PCDHGA10: variants seen among roughly 807,000 people sequenced by gnomAD.
PCDHGA10 encodes protocadherin gamma-A10.
PCDHGA10 carries 42 observed loss-of-function variants against 59.5 expected under a neutral mutation model. The ratio of observed to expected loss-of-function variants is 0.71; its 90% CI spans 0.55 to 0.91. PCDHGA10 has a LOEUF of 0.91. PCDHGA10 is among the 40% of genes least tolerant of loss of function. The probability of loss-of-function intolerance (pLI) is 0.00; values close to 1 mark genes in which losing one functional copy is unlikely to be tolerated. For synonymous variants in PCDHGA10, 511 were observed against 517.2 expected (o/e 0.99, Z 0.16); for missense variants, 1,111 against 1,198.2 (o/e 0.93, Z 1.07).
chr5:141,433,671 A>G (rs1376085577), intron 1 of PCDHGA10, among the ~76,000 whole-genome samples: 12 of 152,058 alleles, frequency 7.9e-5, no homozygotes, highest in Admixed American at 7.2e-4. Flanking sequence ...CCCCGTCTAT[A>G]CTAAAAAAAT....
At chr5:141,460,951 G>GTATATATATA (rs200454978) in intron 1 of PCDHGA10, among the ~76,000 whole-genome samples, 1 of 139,722 alleles carries the variant, frequency 7.2e-6, no homozygotes, top group African/African-American at 2.8e-5. Context: ...TATGTATTAT[G>GTATATATATA]TATATATATA....
chr5:141,423,382 C>G, intron 1 of PCDHGA10: 1 of 1,614,118 alleles, frequency 6.2e-7, no homozygotes, highest in Non-Finnish European at 8.5e-7. Flanking sequence ...CAGGCTGTGG[C>G]GCTGGCATAA....
chr5:141,422,052 CG>C (rs1282698929), intron 1 of PCDHGA10: 1 of 1,611,298 alleles, frequency 6.2e-7, no homozygotes, highest in South Asian at 1.1e-5. Context: ...AGGGAATCAA[CG>C]GGGAAGTAAT....
intron 2 of PCDHGA10, 79 bp downstream of exon 2, chr5:141,494,944 C>T: frequency 1.9e-6 from 3 of 1,609,850 alleles, no homozygotes; most frequent in Non-Finnish European, 2.5e-6. Context: ...TGGGGGAGGG[C>T]CCAGCATTTG....
chr5:141,468,981 A>G (rs1209945826), intron 1 of PCDHGA10, among the ~76,000 whole-genome samples: 4 of 151,852 alleles, frequency 2.6e-5, no homozygotes, highest in East Asian at 1.9e-4. Context: ...TTTGACTTCC[A>G]AAATTATTGT....
chr5:141,498,880 C>G (rs1334510457), intron 2 of PCDHGA10, among the ~76,000 whole-genome samples: 1 of 150,028 alleles, frequency 6.7e-6, no homozygotes, highest in African/African-American at 2.4e-5. Flanking sequence ...TTGCAGTGAG[C>G]TGAGATCACA....
intron 1 of PCDHGA10, chr5:141,427,102 C>T (rs1363595185): frequency 6.6e-6 from 3 of 457,858 alleles, no homozygotes; most frequent in South Asian, 3.1e-5. Flanking sequence ...GGTGTCAATG[C>T]GGAGATCACC....
chr5:141,449,066 A>G (rs1234801725), intron 1 of PCDHGA10, among the ~76,000 whole-genome samples: 3 of 152,188 alleles, frequency 2.0e-5, no homozygotes, highest in African/African-American at 4.8e-5. Context: ...GCGCTATTGA[A>G]TAGCCCTGTA....
Position 141,511,066 on chromosome 5 carries a change from C to T in PCDHGA10, c.2704C>T (p.Pro902Ser). Residue 902 changes from proline to serine, a missense_variant, in exon 4 of 4, where the codon CCA (proline) becomes TCA (serine). Physicochemically the swap from Pro to Ser is moderately conservative, Grantham distance 74. Transcript: ENST00000398610. The part of the protein sequence containing the change: ...VPDYRQNVYI[P>S]GSNATLTNAA... ...CGACTACCGCCAGAATGTCTACATC[C>T]CAGGCAGCAATGCCACACTGACCAA... 1.2e-6 allele frequency: 2 copies of T among 1,614,230 alleles called. No individual in the cohort carries two copies. Among genetic ancestry groups the T allele is most frequent in the Non-Finnish European group, 1.7e-6 (2 of 1,180,036 alleles).
At position 141,414,140 on chromosome 5, in the gene PCDHGA10, A is replaced by G. The variant is rs764980296; in HGVS notation, c.965A>G (p.Glu322Gly). ...DYEETGFYEI[E>G]IQAEDGGAYL... is the part of the protein sequence containing the mutation. ...GAAGAAACCGGTTTCTATGAAATAG[A>G]AATACAAGCAGAAGATGGAGGAGCA... Residue 322 changes from glutamate (E) to glycine (G), a missense_variant, in exon 1 of 4, where the codon GAA becomes GGA. By Grantham distance (98) the Glu-to-Gly change is moderately conservative. Transcript: ENST00000398610. 4 of 1,596,912 alleles carry G rather than the reference A, an allele frequency of 2.5e-6. No individual in the cohort carries two copies. In the African/African-American group the frequency reaches 5.4e-5, roughly 21 times the overall value.
Position 141,431,354 on chromosome 5 carries a change from G to GCC in PCDHGA10, c.2436+15745_2436+15746dup. The GCC allele has an allele frequency of 6.2e-7, 1 of 1,614,036 alleles. No individual in the cohort carries two copies. Among genetic ancestry groups the GCC allele is most frequent in the African/African-American group, 1.3e-5 (1 of 75,052 alleles). On this transcript the variant is annotated intron_variant, in intron 1 of 3. Transcript: ENST00000398610. This position sits in a 1 kb window ranked among gnomAD's most constrained non-coding sequence, Gnocchi z 4.8. Reference sequence around the variant, plus strand: ...GTACCCCGAATTGGTGCTGAAACGCGCCCTGGACCGCGAAGAAAAGGCTGC... The same window carrying GCC: ...GTACCCCGAATTGGTGCTGAAACGCGCCCCCTGGACCGCGAAGAAAAGGCTGC...
At chr5:141,422,007 T>A in intron 1 of PCDHGA10, 1 of 1,609,966 alleles carries the variant, frequency 6.2e-7, no homozygotes, top group Non-Finnish European at 8.5e-7. Context: ...GCTCCGGAAC[T>A]CGGGTGCTGA....
chr5:141,417,111 G>A (rs1014827063), intron 1 of PCDHGA10: 13 of 152,012 alleles, frequency 8.6e-5, no homozygotes, highest in African/African-American at 2.7e-4. Context: ...AAGCAATACA[G>A]GACACCCTGG....
Position 141,491,176 on chromosome 5 carries a change from G to A in PCDHGA10, c.2437-3631G>A. The A allele has an allele frequency of 1.2e-6, 2 of 1,614,210 alleles. No homozygotes were observed. The highest frequency in any genetic ancestry group is 8.5e-7 in the Non-Finnish European group (1 of 1,180,024). On this transcript the variant is annotated intron_variant, in intron 1 of 3. Transcript: ENST00000398610. The surrounding 1 kb of genome is among the most constrained non-coding windows in gnomAD (Gnocchi z 6.9). ...TGACTCTGACACCCAGCAGGTGGTG[G>A]TCCTGGTGAGGGACAATGGTGACCC...
Position 141,424,835 on chromosome 5 carries a change from T to C in PCDHGA10, c.2436+9224T>C, listed in dbSNP as rs999861185. Among the ~76,000 whole-genome samples, 20 of 152,310 alleles carry C rather than the reference T, an allele frequency of 1.3e-4. No individual in the cohort carries two copies. The South Asian group carries it at 3.5e-3, about 27-fold the overall frequency. On this transcript the variant is annotated intron_variant, in intron 1 of 3. Coordinates refer to ENST00000398610, the MANE Select transcript of PCDHGA10 (RefSeq NM_018913.3). ...AAGCTTGATAGTTGCCTGACATACA[T>C]GTTATCTGAAGCAATGTCTAGGAAA... is the stretch of plus-strand genomic sequence containing the variant.
At chr5:141,422,090 AGGCTTCTGAAATATTCCAATT>A (rs1561798894) in intron 1 of PCDHGA10, 11 of 1,611,852 alleles carry the variant, frequency 6.8e-6, no homozygotes, top group Non-Finnish European at 9.3e-6. Flanking sequence ...ATGGAAAGCA[AGGCTTCTGAAATATTCCAATT>A]GGATTCACAA....
intron 1 of PCDHGA10, among the ~76,000 whole-genome samples, chr5:141,475,097 T>C (rs180692931): frequency 6.6e-6 from 1 of 152,370 alleles, no homozygotes; most frequent in East Asian, 1.9e-4. Context: ...TTTATAAAGA[T>C]CCTAGGTGGT....
chr5:141,458,496 A>T (rs905073741), intron 1 of PCDHGA10, among the ~76,000 whole-genome samples: 1 of 151,694 alleles, frequency 6.6e-6, no homozygotes, highest in Non-Finnish European at 1.5e-5. Flanking sequence ...CTGCCTGTAC[A>T]TACTGTTTGA....
chr5:141,459,510 T>G (rs1449866159), intron 1 of PCDHGA10, among the ~76,000 whole-genome samples: 1 of 152,252 alleles, frequency 6.6e-6, no homozygotes, highest in Non-Finnish European at 1.5e-5. Context: ...TGAACAATCA[T>G]GTACAAGTAT....
Sources: gnomAD v4.1 joint callset for allele counts (sites outside exome capture counted in the v4.1 genomes callset) on GRCh38, gnomAD v4.1.1 for gene constraint, Gnocchi (gnomAD v3.1) non-coding constraint, MANE v1.5 for transcripts, NCBI Gene and HGNC (gene_info 2026-07-23, HGNC 2026-07-21) for gene names.